The following AKAP6 variants were observed in gnomAD, a reference collection of about 807,000 sequenced individuals.
The protein encoded by AKAP6 is A-kinase anchoring protein 6, also known as A-kinase anchor protein 6.
A neutral mutation model predicts 188.5 loss-of-function variants in AKAP6; 58 were observed. The ratio of observed to expected loss-of-function variants is 0.31; its 90% CI spans 0.25 to 0.38. The LOEUF is 0.38. Among genes scored for constraint, AKAP6 ranks in the 10% least tolerant of loss-of-function variants. The pLI is 1.00. For missense variants in AKAP6, 2,710 were observed against 2,740.0 expected (o/e 0.99, Z 0.24); for synonymous variants, 989 against 998.6 (o/e 0.99, Z 0.18).
At chr14:32,339,080 C>G (rs1886810542) in intron 1 of AKAP6, among the ~76,000 whole-genome samples, 1 of 152,096 alleles carries the variant, frequency 6.6e-6, no homozygotes, top group African/African-American at 2.4e-5. Context: ...GCAAACTAAA[C>G]ATTTTACTTG....
Position 32,568,176 on chromosome 14 carries a change from A to G in AKAP6, c.2347-8944A>G, listed in dbSNP as rs1440199567. On this transcript the variant is annotated intron_variant, in intron 4 of 13. Transcript: ENST00000280979. This position sits in a 1 kb window ranked among gnomAD's most constrained non-coding sequence, Gnocchi z 6.2. The stretch of plus-strand genomic sequence containing the variant: ...AGAGAAGCTTGGAAAATAGGAGTGA[A>G]CAACAGAGAATGTGACTGTCCTTTG... Among the ~76,000 whole-genome samples, 6 of 152,296 alleles carry G rather than the reference A, an allele frequency of 3.9e-5. No homozygotes were observed. The highest frequency in any genetic ancestry group is 8.8e-5 in the Non-Finnish European group (6 of 68,022).
At chr14:32,677,117 C>T (rs1889463036) in intron 7 of AKAP6, among the ~76,000 whole-genome samples, 1 of 152,250 alleles carries the variant, frequency 6.6e-6, no homozygotes, top group Admixed American at 6.5e-5. Context: ...TGCATCACCG[C>T]ACCCGGCCTG....
chr14:32,614,624 T>C (rs759511272), intron 7 of AKAP6, among the ~76,000 whole-genome samples: 11 of 152,156 alleles, frequency 7.2e-5, no homozygotes, highest in Non-Finnish European at 1.3e-4. Context: ...TTGGCAGGCA[T>C]TGTGGACTGC....
chr14:32,658,506 T>C (rs1395781239), intron 7 of AKAP6, among the ~76,000 whole-genome samples: 1 of 152,092 alleles, frequency 6.6e-6, no homozygotes, highest in African/African-American at 2.4e-5. Flanking sequence ...GATTTTTTAA[T>C]GTTGGTTAAT....
chr14:32,791,834 C>T lies in AKAP6; in HGVS notation c.3588+17941C>T, dbSNP rs923551904. Among the ~76,000 whole-genome samples, 9 of 152,250 alleles carry T rather than the reference C, an allele frequency of 5.9e-5. No homozygotes were observed. In the South Asian group the frequency reaches 1.7e-3, roughly 28 times the overall value. ...GAAGGGGTCCAGTTTCAGTTTTCTG[C>T]TTATGGCTAGCCAGTTTTCCCAGCA... On this transcript the variant is annotated intron_variant, in intron 12 of 13. Transcript: ENST00000280979.
In AKAP6 at chr14:32,499,717, A is replaced by G. The variant is rs1008500257; in HGVS notation, c.325-35837A>G. On this transcript the variant is annotated intron_variant, in intron 2 of 13. Coordinates refer to ENST00000280979, the MANE Select transcript of AKAP6 (RefSeq NM_004274.5). ...ATTAATCTTATCATTGGTATGTATT[A>G]TAAAACTAAAAATGATACTGAATAT... Among the ~76,000 whole-genome samples, 3 of 151,718 alleles carry G rather than the reference A, an allele frequency of 2.0e-5. No individual in the cohort carries two copies. The South Asian group carries it at 6.2e-4, about 31-fold the overall frequency.
intron 7 of AKAP6, among the ~76,000 whole-genome samples, chr14:32,610,414 T>C (rs1886304932): frequency 6.6e-6 from 1 of 152,222 alleles, no homozygotes; most frequent in South Asian, 2.1e-4. Flanking sequence ...CCATCTATAC[T>C]GCTTTTATTC....
intron 2 of AKAP6, among the ~76,000 whole-genome samples, chr14:32,456,160 T>C (rs1891141241): frequency 1.3e-5 from 2 of 152,194 alleles, no homozygotes; most frequent in Non-Finnish European, 1.5e-5. Context: ...GAAACAGTAA[T>C]AGTGCTAATA....
chr14:32,548,078 A>G (rs1310257873), intron 4 of AKAP6, among the ~76,000 whole-genome samples: 1 of 148,620 alleles, frequency 6.7e-6, no homozygotes, highest in African/African-American at 2.5e-5. Context: ...ATGGTATGCA[A>G]CGCTCTCCCA....
chr14:32,777,801 G>A (rs530318726), intron 12 of AKAP6, among the ~76,000 whole-genome samples: 1 of 152,296 alleles, frequency 6.6e-6, no homozygotes, highest in Non-Finnish European at 1.5e-5. Context: ...ACTTTGGTAG[G>A]CTGAGGTGGG....
At chr14:32,790,201 T>C (rs1193734438) in intron 12 of AKAP6, among the ~76,000 whole-genome samples, 1 of 152,088 alleles carries the variant, frequency 6.6e-6, no homozygotes, top group Non-Finnish European at 1.5e-5. Flanking sequence ...GAACAAAACC[T>C]CTGAGAAATA....
At position 32,823,737 on chromosome 14, in the gene AKAP6, C is replaced by T. The variant is rs767155190; in HGVS notation, c.5924C>T (p.Thr1975Ile). 6.8e-6 allele frequency: 11 copies of T among 1,613,520 alleles called. No individual in the cohort carries two copies. The East Asian group carries it at 2.5e-4, about 36-fold the overall frequency. ...CACCACCATTTTGAAAATCAAAGCA[C>T]TGCCTCTACTCCCACTGAGAAGTCT... ...PNHHHFENQS[T>I]ASTPTEKSFS... The change falls in exon 13 of 14, where the codon ACT becomes ATT. Residue 1975 changes from threonine to isoleucine, a missense_variant. Around this residue, in one of 2 missense-constraint regions of AKAP6, gnomAD observed 2,473 missense variants for 2,426.1 expected, o/e 1.02. Coordinates refer to ENST00000280979, the MANE Select transcript of AKAP6 (RefSeq NM_004274.5).
intron 2 of AKAP6, among the ~76,000 whole-genome samples, chr14:32,493,914 C>T (rs928345972): frequency 3.3e-5 from 5 of 151,996 alleles, no homozygotes; most frequent in African/African-American, 1.2e-4. Flanking sequence ...AGAGGCAAAG[C>T]CTGGGAGCAC....
rs2383366 is a variant in AKAP6, at chr14:32,660,931, C to A, written c.2731-17380C>A. On this transcript the variant is annotated intron_variant, in intron 7 of 13. Transcript: ENST00000280979. ...TATATTTTCTTCCCCGCCACCCCCC[C>A]CCCTCCCAATTCCAGCCATTTGTCC... is the stretch of plus-strand genomic sequence containing the variant. Among the ~76,000 whole-genome samples, 8 of 104,326 alleles carry A rather than the reference C, an allele frequency of 7.7e-5. 1 individual carries two copies. The highest frequency in any genetic ancestry group is 9.1e-4 in the East Asian group (2 of 2,198). The allele number at this position is 104,326 out of a possible 152,430, so 68.4% of individuals were successfully genotyped here.
At chr14:32,796,005 C>A (rs189467013) in intron 12 of AKAP6, among the ~76,000 whole-genome samples, 90 of 152,146 alleles carry the variant, frequency 5.9e-4, no homozygotes, top group African/African-American at 2.0e-3. Context: ...AGCAGATAGA[C>A]AAATCATGGA....
At chr14:32,716,634 T>C (rs2030219076) in intron 9 of AKAP6, among the ~76,000 whole-genome samples, 1 of 147,372 alleles carries the variant, frequency 6.8e-6, no homozygotes, top group Non-Finnish European at 1.5e-5. Context: ...CATTATATAA[T>C]GTATATTAAT....
At chr14:32,385,799 A>T (rs1287897871) in intron 1 of AKAP6, among the ~76,000 whole-genome samples, 3 of 151,042 alleles carry the variant, frequency 2.0e-5, no homozygotes, top group African/African-American at 7.3e-5. Context: ...TGTATATCAT[A>T]TATGATATAT....
chr14:32,413,906 G>A (rs187270991), intron 1 of AKAP6, among the ~76,000 whole-genome samples: 39 of 151,392 alleles, frequency 2.6e-4, no homozygotes, highest in Non-Finnish European at 1.3e-4. Flanking sequence ...AAAGAGTCCA[G>A]TGTCAGAAGG....
At chr14:32,597,414 C>T (rs920721072) in intron 5 of AKAP6, among the ~76,000 whole-genome samples, 1 of 152,156 alleles carries the variant, frequency 6.6e-6, no homozygotes, top group Non-Finnish European at 1.5e-5. Context: ...GTTCTCTTTA[C>T]CCTGTCCCTG....
Sources: allele counts gnomAD v4.1 joint callset (sites outside exome capture counted in the v4.1 genomes callset), GRCh38; gene constraint gnomAD v4.1.1; regional missense constraint gnomAD v4.1.1; non-coding constraint Gnocchi (gnomAD v3.1); transcripts MANE v1.5; gene names NCBI Gene and HGNC (gene_info 2026-07-23, HGNC 2026-07-21).